Variants in RGS6 observed in about 807,000 individuals in gnomAD.
The protein encoded by RGS6 is regulator of G-protein signaling 6.
In RGS6, 30 loss-of-function variants were observed where a neutral mutation model predicts 78.5. The observed-to-expected ratio is 0.38, with a 90% CI of 0.29 to 0.52. The LOEUF (loss-of-function observed/expected upper bound fraction) is 0.52. Among genes scored for constraint, RGS6 ranks in the 20% least tolerant of loss-of-function variants. RGS6 has a pLI of 0.85. For synonymous variants in RGS6, 206 were observed against 206.0 expected, an observed-to-expected ratio of 1.00 and a Z score of 0.00; for missense variants, 495 against 609.7, an observed-to-expected ratio of 0.81 and a Z score of 1.98.
Position 72,432,938 on chromosome 14 carries a change from T to C in RGS6, c.185-21590T>C, listed in dbSNP as rs147831939. Among the ~76,000 whole-genome samples the C allele has an allele frequency of 6.8e-3, 1,029 of 152,268 alleles. 3 individuals carry two copies. Among genetic ancestry groups the C allele is most frequent in the Non-Finnish European group, 0.011 (780 of 68,024 alleles). ...GGAAAGAGAGTGTCACACACCATTC[T>C]AATGTGGGGAGTAAGGATGATGAAG... On this transcript the variant is annotated intron_variant, in intron 3 of 17. Coordinates refer to ENST00000553525, the MANE Select transcript of RGS6 (RefSeq NM_001204424.2).
intron 8 of RGS6, among the ~76,000 whole-genome samples, 198 bp from the exon 9 acceptor site, chr14:72,472,674 T>G (rs1268326730): frequency 6.6e-6 from 1 of 152,180 alleles, no homozygotes; most frequent in African/African-American, 2.4e-5. Context: ...TCTCTTACCA[T>G]GTGTGGAATT....
chr14:72,181,913 A>G (rs1227520022), intron 2 of RGS6, among the ~76,000 whole-genome samples: 1 of 152,236 alleles, frequency 6.6e-6, no homozygotes, highest in African/African-American at 2.4e-5. Flanking sequence ...ATTATCAGTA[A>G]TAAATGTATG....
chr14:72,198,979 G>A (rs1159784660), intron 2 of RGS6, among the ~76,000 whole-genome samples: 1 of 152,216 alleles, frequency 6.6e-6, no homozygotes, highest in Non-Finnish European at 1.5e-5. Flanking sequence ...GTGTTTATTA[G>A]CAATGGTTCT....
chr14:72,327,409 C>T (rs2074046965), intron 2 of RGS6, among the ~76,000 whole-genome samples: 1 of 152,092 alleles, frequency 6.6e-6, no homozygotes, highest in Admixed American at 6.5e-5. Flanking sequence ...CGCTTCTTTC[C>T]CCCCAGAATT....
intron 3 of RGS6, among the ~76,000 whole-genome samples, chr14:72,421,408 T>C (rs1475094532): frequency 2.0e-5 from 3 of 152,176 alleles, no homozygotes; most frequent in Admixed American, 1.3e-4. Flanking sequence ...AAAGACTGTA[T>C]TGAAATGTCT....
intron 2 of RGS6, among the ~76,000 whole-genome samples, chr14:71,983,602 C>T (rs192062026): frequency 6.6e-6 from 1 of 152,286 alleles, no homozygotes; most frequent in Admixed American, 6.5e-5. Context: ...CTTGGTGTTC[C>T]TTGGCTTGCA....
At chr14:72,081,034 C>G (rs1597245184) in intron 2 of RGS6, among the ~76,000 whole-genome samples, 1 of 151,960 alleles carries the variant, frequency 6.6e-6, no homozygotes, top group African/African-American at 2.4e-5. Flanking sequence ...TTTAGGATTG[C>G]TTTTTCTATT....
chr14:71,900,789 A>G, the RGS6 span, among the ~76,000 whole-genome samples: 1 of 152,138 alleles, frequency 6.6e-6, no homozygotes, highest in Non-Finnish European at 1.5e-5. Context: ...TAGTTTGTTC[A>G]TGGTTCTACA....
At chr14:71,987,636 T>A (rs536793627) in intron 2 of RGS6, among the ~76,000 whole-genome samples, 3 of 152,266 alleles carry the variant, frequency 2.0e-5, no homozygotes, top group Non-Finnish European at 4.4e-5. Flanking sequence ...TCCTCCCGTC[T>A]CAGCCTTCCC....
intron 3 of RGS6, among the ~76,000 whole-genome samples, chr14:72,385,575 T>C (rs1210134128): frequency 6.6e-6 from 1 of 152,202 alleles, no homozygotes; most frequent in Non-Finnish European, 1.5e-5. Flanking sequence ...GCCAATGATA[T>C]GAAGCCCAGG....
chr14:71,880,961 T>G, the RGS6 span, among the ~76,000 whole-genome samples: 1 of 152,172 alleles, frequency 6.6e-6, no homozygotes, highest in East Asian at 1.9e-4. Context: ...GGAGGGAGGG[T>G]GTACCCTGCA....
At chr14:72,077,739 C>CTTTTTCAATGATTAT (rs894036655) in intron 2 of RGS6, among the ~76,000 whole-genome samples, 2 of 152,114 alleles carry the variant, frequency 1.3e-5, no homozygotes, top group African/African-American at 4.8e-5. Flanking sequence ...TTTTCAGCCT[C>CTTTTTCAATGATTAT]TTTTTCAATG....
intron 2 of RGS6, among the ~76,000 whole-genome samples, chr14:72,067,434 CA>C (rs1252663672): frequency 6.6e-6 from 1 of 152,146 alleles, no homozygotes; most frequent in African/African-American, 2.4e-5. Context: ...ACCTATGTAA[CA>C]AACCTGCACG....
At chr14:72,560,798 G>A (rs533013103) in intron 17 of RGS6, among the ~76,000 whole-genome samples, 4 of 5,796 alleles carry the variant, frequency 6.9e-4, no homozygotes, top group African/African-American at 3.7e-3. Flanking sequence ...TTTTGTGGAC[G>A]TGTGTGTGTG....
intron 14 of RGS6, chr14:72,511,836 G>A (rs1419473664): frequency 6.6e-6 from 1 of 152,232 alleles, no homozygotes; most frequent in Non-Finnish European, 1.5e-5. Flanking sequence ...CTTATTTTGG[G>A]TTATTATACA....
intron 2 of RGS6, among the ~76,000 whole-genome samples, chr14:71,974,742 G>C (rs1434339093): frequency 6.6e-6 from 1 of 152,094 alleles, no homozygotes; most frequent in Admixed American, 6.6e-5. Flanking sequence ...TTTTTCCATT[G>C]CTCTTTATTA....
At chr14:72,111,972 CT>C (rs2095776127) in intron 2 of RGS6, among the ~76,000 whole-genome samples, 2 of 152,182 alleles carry the variant, frequency 1.3e-5, no homozygotes, top group Non-Finnish European at 2.9e-5. Flanking sequence ...ATCGGTTTTA[CT>C]TTTCTCCTTG....
intron 17 of RGS6, among the ~76,000 whole-genome samples, chr14:72,554,345 C>T (rs992035703): frequency 6.6e-6 from 1 of 152,216 alleles, no homozygotes; most frequent in Non-Finnish European, 1.5e-5. Flanking sequence ...CACATACTGC[C>T]AACCAAATAA....
intron 2 of RGS6, among the ~76,000 whole-genome samples, chr14:71,993,178 C>T (rs1384393754): frequency 6.6e-6 from 1 of 152,180 alleles, no homozygotes; most frequent in Non-Finnish European, 1.5e-5. Context: ...GGACTTACTC[C>T]TGTTGGGGAA....
Sources: gnomAD v4.1 joint callset for allele counts (sites outside exome capture counted in the v4.1 genomes callset) on GRCh38, gnomAD v4.1.1 for gene constraint, MANE v1.5 for transcripts, NCBI Gene and HGNC (gene_info 2026-07-23, HGNC 2026-07-21) for gene names.